ALDH3B2: variants seen among roughly 807,000 people sequenced by gnomAD.
The protein encoded by ALDH3B2 is aldehyde dehydrogenase 3 family member B2, also known as aldehyde dehydrogenase family 3 member B2.
Under a neutral mutation model 36.7 loss-of-function variants are expected in ALDH3B2, and 45 were observed. The ratio of observed to expected loss-of-function variants is 1.23; its 90% CI spans 0.97 to 1.57. The LOEUF is 1.57. ALDH3B2 is among the 40% of genes most tolerant of loss of function. The probability of loss-of-function intolerance (pLI) is 0.00; values close to 1 mark genes in which losing one functional copy is unlikely to be tolerated. For synonymous variants in ALDH3B2, 217 were observed against 226.5 expected (o/e 0.96, Z 0.38); for missense variants, 464 against 513.3 (o/e 0.90, Z 0.93).
exon 9 of ALDH3B2, chr11:67,663,722 A>C (rs1855816809): frequency 6.2e-7 from 1 of 1,612,870 alleles, no homozygotes; most frequent in African/African-American, 1.3e-5. Flanking sequence ...TTGCCTCCAA[A>C]GCTGCCGCTG....
Position 67,666,217 on chromosome 11 carries a change from T to C in ALDH3B2, c.238-14A>G, listed in dbSNP as rs1213479323. On this transcript the variant is annotated splice_polypyrimidine_tract_variant and intron_variant, in intron 5 of 9. Transcript: ENST00000349015. ...GGCAAAGCAGCTCTGCAAGGTGGAA[T>C]GAGAGGCTCGGGGCGGGCTCGGGGC... 1.3e-6 allele frequency: 2 copies of C among 1,593,566 alleles called. No homozygotes were observed. The highest frequency in any genetic ancestry group is 1.4e-5 in the African/African-American group (1 of 69,722).
chr11:67,666,819 C>G, intron 3 of ALDH3B2, 87 bp downstream of exon 3: 1 of 1,610,650 alleles, frequency 6.2e-7, no homozygotes, highest in Non-Finnish European at 8.5e-7. Flanking sequence ...CAGTGACTCG[C>G]CCGGGGCCTC....
chr11:67,677,175 C>T (rs1421367441), upstream of ALDH3B2, among the ~76,000 whole-genome samples: 2 of 152,162 alleles, frequency 1.3e-5, no homozygotes, highest in Non-Finnish European at 2.9e-5. Flanking sequence ...GACTGATATC[C>T]TTGATGAACA....
At chr11:67,664,592 G>A (rs747906207) in intron 7 of ALDH3B2, 30 bp from the exon 8 acceptor site, 4 of 1,610,210 alleles carry the variant, frequency 2.5e-6, no homozygotes, top group Non-Finnish European at 3.4e-6. Flanking sequence ...CTCAGCCCTG[G>A]GGCCACAGTC....
upstream of ALDH3B2, among the ~76,000 whole-genome samples, chr11:67,677,086 C>G (rs2134162625): frequency 6.6e-6 from 1 of 152,278 alleles, no homozygotes; most frequent in Admixed American, 6.5e-5. Flanking sequence ...AGAAGGAGCC[C>G]TCCCTAATTC....
upstream of ALDH3B2, among the ~76,000 whole-genome samples, chr11:67,675,964 G>A (rs933813537): frequency 1.4e-4 from 21 of 152,226 alleles, no homozygotes; most frequent in African/African-American, 4.8e-4. Flanking sequence ...ATGTAAAATA[G>A]GTCGGGTGCG....
chr11:67,672,521 C>T (rs1591148299), intron 1 of ALDH3B2, among the ~76,000 whole-genome samples: 1 of 152,100 alleles, frequency 6.6e-6, no homozygotes, highest in South Asian at 2.1e-4. Context: ...TCCCGACCAC[C>T]TTGGGCACAT....
chr11:67,665,371 TGGTTGATGATGTGGCCCA>T (rs1183242733), exon 7 of ALDH3B2: 4 of 1,613,926 alleles, frequency 2.5e-6, no homozygotes, highest in Non-Finnish European at 3.4e-6. Flanking sequence ...GAACTGTTTC[TGGTTGATGATGTGGCCCA>T]GGTTTGGGGA....
chr11:67,666,881 C>T (rs1476762645), intron 3 of ALDH3B2, 25 bp downstream of exon 3: 1 of 1,614,080 alleles, frequency 6.2e-7, no homozygotes, highest in Admixed American at 1.7e-5. Context: ...GCCCTGCCCT[C>T]CTGCCGCCTG....
At chr11:67,663,276 G>A (rs1315639611) in exon 10 of ALDH3B2, 2 of 1,613,978 alleles carry the variant, frequency 1.2e-6, no homozygotes, top group Non-Finnish European at 1.7e-6. Context: ...GTTCCAGTCG[G>A]TATAGGGTGG....
chr11:67,664,483 C>G (rs767453705), exon 8 of ALDH3B2: 4 of 1,614,136 alleles, frequency 2.5e-6, no homozygotes, highest in Non-Finnish European at 2.5e-6. Flanking sequence ...TCTGCACGTT[C>G]ACGATGGGCA....
intron 8 of ALDH3B2, 53 bp downstream of exon 8, chr11:67,664,343 A>T: frequency 6.2e-7 from 1 of 1,610,094 alleles, no homozygotes; most frequent in Non-Finnish European, 8.5e-7. Flanking sequence ...GAAAGGTGCC[A>T]GTCTGTGCCC....
chr11:67,677,528 C>T (rs144990447), upstream of ALDH3B2, among the ~76,000 whole-genome samples: 31 of 152,174 alleles, frequency 2.0e-4, no homozygotes, highest in South Asian at 4.1e-3. Flanking sequence ...AAAGGCTTCC[C>T]GCAGAGAACC....
At chr11:67,673,431 A>T (rs1044380506) in intron 1 of ALDH3B2, among the ~76,000 whole-genome samples, 5 of 152,150 alleles carry the variant, frequency 3.3e-5, no homozygotes, top group African/African-American at 9.7e-5. Context: ...CTTCTTCCAG[A>T]GGTGGCCAGA....
chr11:67,669,262 CTG>C (rs1363738285), intron 1 of ALDH3B2, among the ~76,000 whole-genome samples: 11 of 138,908 alleles, frequency 7.9e-5, no homozygotes, highest in Admixed American at 3.5e-4. Flanking sequence ...GTATGGATGT[CTG>C]TGTGTGTGTA....
intron 1 of ALDH3B2, among the ~76,000 whole-genome samples, chr11:67,672,134 G>GTGTATA (rs1335115763): frequency 5.1e-5 from 5 of 97,610 alleles, no homozygotes; most frequent in South Asian, 6.0e-4. Flanking sequence ...GTGTGTGTGT[G>GTGTATA]TATATATATA....
At chr11:67,671,534 C>T (rs1856111618) in intron 1 of ALDH3B2, among the ~76,000 whole-genome samples, 2 of 56,928 alleles carry the variant, frequency 3.5e-5, no homozygotes, top group Non-Finnish European at 6.5e-5. Context: ...TCAGGGCCAA[C>T]CTGCCTCCCC....
At chr11:67,675,840 G>A (rs1028510557), upstream of ALDH3B2, among the ~76,000 whole-genome samples, 1 of 152,260 alleles carries the variant, frequency 6.6e-6, no homozygotes, top group Non-Finnish European at 1.5e-5. Flanking sequence ...TGTATGGGAT[G>A]TGAATGCTAT....
At chr11:67,663,281 G>T in exon 10 of ALDH3B2, 1 of 1,614,136 alleles carries the variant, frequency 6.2e-7, no homozygotes, top group Non-Finnish European at 8.5e-7. Flanking sequence ...AGTCGGTATA[G>T]GGTGGGTAGT....
Sources: gnomAD v4.1 joint callset for allele counts (sites outside exome capture counted in the v4.1 genomes callset) on GRCh38, gnomAD v4.1.1 for gene constraint, MANE v1.5 for transcripts, NCBI Gene and HGNC (gene_info 2026-07-23, HGNC 2026-07-21) for gene names.